The following EFNA1 variants were observed in gnomAD, a reference collection of about 807,000 sequenced individuals.
EFNA1 encodes ephrin A1.
A neutral mutation model predicts 23.2 loss-of-function variants in EFNA1; 8 were observed. That is an observed-to-expected ratio of 0.34 (90% CI 0.20 to 0.62). The LOEUF (loss-of-function observed/expected upper bound fraction) is 0.62. Among genes scored for constraint, EFNA1 ranks in the 20% least tolerant of loss-of-function variants. The pLI, the probability that EFNA1 is intolerant of heterozygous loss-of-function variation, is 0.75. For synonymous variants in EFNA1, 89 were observed against 98.6 expected, an observed-to-expected ratio of 0.90 and a Z score of 0.58; for missense variants, 217 against 260.0, an observed-to-expected ratio of 0.83 and a Z score of 1.14.
At chr1:155,128,176 G>A (rs1342584354) in intron 1 of EFNA1, 107 bp downstream of exon 1, 2 of 961,026 alleles carry the variant, frequency 2.1e-6, no homozygotes, top group African/African-American at 1.6e-5. Context: ...AGATGACCGA[G>A]GTAGGAGGGC....
At chr1:155,133,095 G>C (rs1470633152) in intron 2 of EFNA1, among the ~76,000 whole-genome samples, 1 of 151,974 alleles carries the variant, frequency 6.6e-6, no homozygotes, top group Non-Finnish European at 1.5e-5. Context: ...ATTTTTAGTA[G>C]AGACGGGGTT....
intron 1 of EFNA1, 198 bp from the exon 2 acceptor site, chr1:155,131,141 A>G: frequency 7.4e-7 from 1 of 1,352,926 alleles, no homozygotes; most frequent in Non-Finnish European, 9.6e-7. Flanking sequence ...GGAGACAGTG[A>G]TGGTGCAGGG....
At chr1:155,133,641 A>G in intron 3 of EFNA1, 73 bp downstream of exon 3, 1 of 1,608,592 alleles carries the variant, frequency 6.2e-7, no homozygotes, top group Non-Finnish European at 8.5e-7. Flanking sequence ...CTAGGATGGT[A>G]TAGAAGTCTT....
intron 2 of EFNA1, among the ~76,000 whole-genome samples, 162 bp downstream of exon 2, chr1:155,131,796 C>G (rs1664244809): frequency 6.6e-6 from 1 of 152,166 alleles, no homozygotes; most frequent in South Asian, 2.1e-4. Flanking sequence ...CTACTATGTG[C>G]TGGGCACTCT....
Position 155,134,820 on chromosome 1 carries a change from GTTCT to G in EFNA1, c.*756_*759del, listed in dbSNP as rs1664345518. The G allele has an allele frequency of 6.5e-6, 1 of 153,410 alleles. No homozygotes were observed. The highest frequency in any genetic ancestry group is 1.5e-5 in the Non-Finnish European group (1 of 68,868). The allele number at this position is 153,410 out of a possible 1,614,324, so 9.5% of individuals were successfully genotyped here. ...TACAACTGGAGTTTTTTTATACAAT[GTTCT>G]TTGTCTCAAAATAAAGCAATGTGTT... On this transcript the variant is annotated 3_prime_UTR_variant, in exon 5 of 5. Transcript: ENST00000368407.
intron 2 of EFNA1, among the ~76,000 whole-genome samples, chr1:155,133,201 G>A (rs982044255): frequency 6.6e-6 from 1 of 152,134 alleles, no homozygotes; most frequent in Non-Finnish European, 1.5e-5. Flanking sequence ...GAGCCACCGC[G>A]CCTGGCCTAG....
At chr1:155,128,844 T>C (rs537015227) in intron 1 of EFNA1, among the ~76,000 whole-genome samples, 4 of 152,308 alleles carry the variant, frequency 2.6e-5, no homozygotes, top group Non-Finnish European at 5.9e-5. Context: ...GAAGACTCTG[T>C]CGGCCCCTTT....
chr1:155,131,056 T>C, intron 1 of EFNA1: 1 of 1,217,682 alleles, frequency 8.2e-7, no homozygotes, highest in Non-Finnish European at 1.0e-6. Context: ...AAATATCAGG[T>C]AAGTATCAGG....
At chr1:155,133,609 A>G (rs755922880) in intron 3 of EFNA1, 41 bp downstream of exon 3, 1 of 1,612,098 alleles carries the variant, frequency 6.2e-7, no homozygotes, top group South Asian at 1.1e-5. Flanking sequence ...CTCCATCTCT[A>G]TGCTGGGTGC....
At chr1:155,128,181 G>A in intron 1 of EFNA1, 112 bp downstream of exon 1, 2 of 911,702 alleles carry the variant, frequency 2.2e-6, no homozygotes, top group Non-Finnish European at 3.4e-6. Context: ...ACCGAGGTAG[G>A]AGGGCGGCTG....
rs1421208575 is a variant in EFNA1, at chr1:155,130,476, AGGGGAGAG to A, written c.93-853_93-846del. ...CTCCACCTTGGGAGGAGGGGAGAGG[AGGGGAGAG>A]GGGGAGAGGAGGAGAGAGGGGAGAG... is the stretch of plus-strand genomic sequence containing the variant. On this transcript the variant is annotated intron_variant, in intron 1 of 4. Transcript: ENST00000368407. 7 of 900,726 alleles carry A rather than the reference AGGGGAGAG, an allele frequency of 7.8e-6. No homozygotes were observed. The South Asian group carries it at 2.7e-4, about 35-fold the overall frequency. 55.8% of individuals were successfully genotyped at this position (900,726 alleles called of 1,614,324 possible).
chr1:155,133,577 C>CA lies in EFNA1; in HGVS notation c.454+10dup, dbSNP rs1364270996. On this transcript the variant is annotated intron_variant, in intron 3 of 4. Transcript: ENST00000368407. The stretch of plus-strand genomic sequence containing the variant: ...TGTCAGTGGCAAAATCAGTGAGTGT[C>CA]AGAGCCCTGTGGGCCTCCTTCCTCC... 6.2e-7 allele frequency: 1 copy of CA among 1,613,622 alleles called. No homozygotes were observed. Among genetic ancestry groups the CA allele is most frequent in the African/African-American group, 1.3e-5 (1 of 74,846 alleles).
intron 2 of EFNA1, among the ~76,000 whole-genome samples, chr1:155,132,532 A>G (rs1664262693): frequency 6.7e-6 from 1 of 150,372 alleles, no homozygotes. Flanking sequence ...ATAGGCATGA[A>G]CCACCGCGCA....
intron 1 of EFNA1, chr1:155,131,081 T>A: frequency 2.3e-6 from 3 of 1,287,150 alleles, no homozygotes; most frequent in Non-Finnish European, 3.0e-6. Context: ...TTATGGAAAA[T>A]GCTTTGGTAC....
At chr1:155,133,425 G>C (rs1009893099) in intron 2 of EFNA1, 78 bp from the exon 3 acceptor site, 36 of 1,499,838 alleles carry the variant, frequency 2.4e-5, no homozygotes, top group Non-Finnish European at 2.8e-5. Flanking sequence ...AGCTGAGAAA[G>C]CAGGGCGAGG....
chr1:155,131,378 T>C lies in EFNA1; in HGVS notation c.132T>C (p.Asn44=). Residue 44 remains asparagine (N), a synonymous_variant, in exon 2 of 5, where the codon AAT becomes AAC. Coordinates refer to ENST00000368407, the MANE Select transcript of EFNA1 (RefSeq NM_004428.3). The part of the protein sequence containing the change: ...NEDYTIHVQL[N]DYVDIICPHY... ...ACTACACCATACATGTGCAGCTGAA[T>C]GACTACGTGGACATCATCTGTCCGC... 6.2e-7 allele frequency: 1 copy of C among 1,613,946 alleles called. No homozygotes were observed. The highest frequency in any genetic ancestry group is 1.3e-5 in the African/African-American group (1 of 75,034).
rs1327653271 is a variant in EFNA1, at chr1:155,133,724, T to C, written c.455-6T>C. Reference sequence around the variant, plus strand: ...TACCTGATCTACTACCACTCTTGTCTTTCAGCTCACAGTCCTCAGGCCCAT... The same window carrying C: ...TACCTGATCTACTACCACTCTTGTCCTTCAGCTCACAGTCCTCAGGCCCAT... On this transcript the variant is annotated splice_polypyrimidine_tract_variant and splice_region_variant and intron_variant, in intron 3 of 4. Coordinates refer to ENST00000368407, the MANE Select transcript of EFNA1 (RefSeq NM_004428.3). 6.2e-7 allele frequency: 1 copy of C among 1,613,980 alleles called. No individual in the cohort carries two copies. Among genetic ancestry groups the C allele is most frequent in the African/African-American group, 1.3e-5 (1 of 74,884 alleles).
chr1:155,130,704 A>G (rs1266525146), intron 1 of EFNA1: 1 of 985,142 alleles, frequency 1.0e-6, no homozygotes, highest in East Asian at 1.1e-4. Flanking sequence ...TGAATTGATG[A>G]GAGTGATTTA....
At chr1:155,132,009 A>T (rs1455646463) in intron 2 of EFNA1, among the ~76,000 whole-genome samples, 2 of 151,902 alleles carry the variant, frequency 1.3e-5, no homozygotes, top group Non-Finnish European at 2.9e-5. Flanking sequence ...ATGGTCCCAG[A>T]GCTCAGGACA....
Sources: allele counts gnomAD v4.1 joint callset (sites outside exome capture counted in the v4.1 genomes callset), GRCh38; gene constraint gnomAD v4.1.1; transcripts MANE v1.5; gene names NCBI Gene and HGNC (gene_info 2026-07-23, HGNC 2026-07-21).